Variants in EFR3A observed in about 807,000 individuals in gnomAD.
EFR3A encodes the protein EFR3 homolog A.
A neutral mutation model predicts 104.4 loss-of-function variants in EFR3A; 76 were observed. The ratio of observed to expected loss-of-function variants is 0.73; its 90% CI spans 0.60 to 0.88. The LOEUF (loss-of-function observed/expected upper bound fraction) is 0.88, where lower values mean the gene tolerates loss of function less well. EFR3A is among the 40% of genes least tolerant of loss of function. The pLI is 0.00. For synonymous variants in EFR3A, 330 were observed against 330.0 expected (o/e 1.00, Z 0.00); for missense variants, 985 against 1,012.5 (o/e 0.97, Z 0.37).
rs767511972 is a variant in EFR3A, at chr8:131,970,525, C to G, written c.1041C>G (p.Leu347=). Residue 347 remains leucine (L), a synonymous_variant, in exon 10 of 23, where the codon CTC becomes CTG. Coordinates refer to ENST00000254624, the MANE Select transcript of EFR3A (RefSeq NM_015137.6). ...ATACCCTTTTGAAACATCTGCGTCT[C>G]AGCGTTGAATTCGAAGCAAATGATT... ...VFNTLLKHLR[L]SVEFEANDLQ... 2 of 1,613,896 alleles carry G rather than the reference C, an allele frequency of 1.2e-6. No individual in the cohort carries two copies. The highest frequency in any genetic ancestry group is 1.7e-5 in the Admixed American group (1 of 60,022).
At chr8:131,948,490 G>C (rs1472737026) in intron 4 of EFR3A, among the ~76,000 whole-genome samples, 1 of 152,098 alleles carries the variant, frequency 6.6e-6, no homozygotes, top group East Asian at 1.9e-4. Context: ...TACTTCAGCA[G>C]GAATATATTG....
At chr8:131,938,482 A>G (rs1818014332) in intron 1 of EFR3A, among the ~76,000 whole-genome samples, 1 of 152,084 alleles carries the variant, frequency 6.6e-6, no homozygotes, top group Non-Finnish European at 1.5e-5. Flanking sequence ...GTAAATGAAA[A>G]ATTTTAACCT....
chr8:131,965,214 A>T (rs182917272), intron 8 of EFR3A, among the ~76,000 whole-genome samples: 21 of 152,322 alleles, frequency 1.4e-4, no homozygotes, highest in African/African-American at 4.8e-4. Context: ...CAATTGACAA[A>T]TGGGATCTAA....
At chr8:131,942,119 T>C (rs1242128098) in intron 2 of EFR3A, among the ~76,000 whole-genome samples, 1 of 152,066 alleles carries the variant, frequency 6.6e-6, no homozygotes, top group African/African-American at 2.4e-5. Context: ...CTTTAACTTG[T>C]AGTCAGTGAA....
chr8:131,928,803 G>A (rs1817438027), intron 1 of EFR3A, among the ~76,000 whole-genome samples: 2 of 149,848 alleles, frequency 1.3e-5, no homozygotes, highest in East Asian at 1.9e-4. Context: ...CATTACTGGA[G>A]CGTTTTTTTA....
At chr8:132,006,993 A>G (rs1344241864) in intron 22 of EFR3A, among the ~76,000 whole-genome samples, 1 of 151,910 alleles carries the variant, frequency 6.6e-6, no homozygotes, top group Non-Finnish European at 1.5e-5. Flanking sequence ...AATTTGGAAT[A>G]GAAGGGAACT....
intron 1 of EFR3A, chr8:131,924,202 G>A: frequency 1.1e-5 from 4 of 352,868 alleles, no homozygotes; most frequent in South Asian, 4.1e-5. Context: ...AATTATTTCT[G>A]CATACCCCAT....
At chr8:131,984,837 C>A in intron 15 of EFR3A, 92 bp from the exon 16 acceptor site, 1 of 1,207,026 alleles carries the variant, frequency 8.3e-7, no homozygotes, top group South Asian at 2.1e-5. Flanking sequence ...TGTTAGCTTT[C>A]CAAACTACCT....
At chr8:131,974,743 T>G (rs1225486028) in intron 10 of EFR3A, among the ~76,000 whole-genome samples, 1 of 152,316 alleles carries the variant, frequency 6.6e-6, no homozygotes, top group East Asian at 1.9e-4. Flanking sequence ...GATGGAGTCA[T>G]GTTAAGGTTA....
At chr8:131,954,075 C>G (rs896554299) in intron 6 of EFR3A, 108 bp downstream of exon 6, 1 of 1,116,172 alleles carries the variant, frequency 9.0e-7, no homozygotes, top group African/African-American at 1.6e-5. Flanking sequence ...ACAGTAGTCT[C>G]GTAAAGTTAA....
At chr8:132,003,141 T>A (rs1821869415) in intron 21 of EFR3A, 95 bp from the exon 22 acceptor site, 1 of 1,001,242 alleles carries the variant, frequency 1.0e-6, no homozygotes, top group African/African-American at 1.6e-5. Context: ...AGCTTAATAG[T>A]CACAATTATA....
intron 17 of EFR3A, 109 bp from the exon 18 acceptor site, chr8:131,987,466 T>C: frequency 2.5e-6 from 3 of 1,214,938 alleles, no homozygotes; most frequent in Non-Finnish European, 3.3e-6. Context: ...GTTTACATTG[T>C]GTTTATATTT....
chr8:131,926,270 T>C (rs1817294073), intron 1 of EFR3A, among the ~76,000 whole-genome samples: 1 of 152,190 alleles, frequency 6.6e-6, no homozygotes, highest in Non-Finnish European at 1.5e-5. Context: ...AAAAACCATT[T>C]TTATTGTCTG....
chr8:132,010,972 A>G lies in EFR3A; in HGVS notation c.*77A>G. The stretch of plus-strand genomic sequence containing the variant: ...CAAGCTGAGCTTTCAGGGTTTACTT[A>G]ATGTGTATTAACATACTTCTTGAAA... On this transcript the variant is annotated 3_prime_UTR_variant, in exon 23 of 23. Coordinates refer to ENST00000254624, the MANE Select transcript of EFR3A (RefSeq NM_015137.6). 6.9e-7 allele frequency: 1 copy of G among 1,458,584 alleles called. No individual in the cohort carries two copies. Among genetic ancestry groups the G allele is most frequent in the Non-Finnish European group, 9.2e-7 (1 of 1,084,192 alleles). The allele number at this position is 1,458,584 out of a possible 1,614,324, so 90.4% of individuals were successfully genotyped here.
chr8:131,984,691 G>A (rs554486894), intron 15 of EFR3A, among the ~76,000 whole-genome samples: 5 of 152,142 alleles, frequency 3.3e-5, no homozygotes, highest in East Asian at 1.9e-4. Context: ...GTGTGTGTGT[G>A]TATATATATA....
At chr8:131,967,673 A>G (rs957756599) in intron 8 of EFR3A, among the ~76,000 whole-genome samples, 10 of 151,184 alleles carry the variant, frequency 6.6e-5, no homozygotes, top group African/African-American at 1.9e-4. Flanking sequence ...TGGTTGATCA[A>G]TTTTATTTAT....
At chr8:131,904,445 C>T (rs1586503200) in intron 1 of EFR3A, 123 bp downstream of exon 1, 3 of 964,538 alleles carry the variant, frequency 3.1e-6, no homozygotes, top group East Asian at 6.6e-5. Flanking sequence ...CAGGAAGTGT[C>T]TGCGAGCGGC....
Position 132,010,810 on chromosome 8 carries a change from G to GAAC in EFR3A, c.2383_2385dup (p.Thr795dup), listed in dbSNP as rs1242630239. The GAAC allele has an allele frequency of 6.2e-7, 1 of 1,612,168 alleles. No individual in the cohort carries two copies. Among genetic ancestry groups the GAAC allele is most frequent in the African/African-American group, 1.3e-5 (1 of 74,830 alleles). ...TATAGTCCTCCTCCCAGTCCATCAGGAACACTGACCATTACTTCTGGGCAT... is the reference window on the plus strand; with the variant it reads ...TATAGTCCTCCTCCCAGTCCATCAGGAACAACACTGACCATTACTTCTGGGCAT... On this transcript the variant is annotated inframe_insertion, in exon 23 of 23. Coordinates refer to ENST00000254624, the MANE Select transcript of EFR3A (RefSeq NM_015137.6).
intron 11 of EFR3A, 48 bp downstream of exon 11, chr8:131,976,189 A>G (rs114761472): frequency 0.016 from 19,592 of 1,191,356 alleles, 263 homozygotes; most frequent in South Asian, 0.044. Flanking sequence ...GTTACATTTT[A>G]TCCTAACGAA....
Sources: gnomAD v4.1 joint callset for allele counts (sites outside exome capture counted in the v4.1 genomes callset) on GRCh38, gnomAD v4.1.1 for gene constraint, MANE v1.5 for transcripts, NCBI Gene and HGNC (gene_info 2026-07-23, HGNC 2026-07-21) for gene names.